The following ZDHHC17 variants were observed in gnomAD, a reference collection of about 807,000 sequenced individuals.
The protein encoded by ZDHHC17 is zDHHC palmitoyltransferase 17, also known as palmitoyltransferase ZDHHC17.
ZDHHC17 carries 40 observed loss-of-function variants against 90.3 expected under a neutral mutation model. That is an observed-to-expected ratio of 0.44 (90% CI 0.34 to 0.58). The LOEUF (loss-of-function observed/expected upper bound fraction) is 0.58, where lower values mean the gene tolerates loss of function less well. Ranked by LOEUF, ZDHHC17 falls within the 20% of genes least tolerant of loss-of-function variation. The pLI is 0.01. For synonymous variants in ZDHHC17, 235 were observed against 252.4 expected, an observed-to-expected ratio of 0.93 and a Z score of 0.65; for missense variants, 614 against 780.8, an observed-to-expected ratio of 0.79 and a Z score of 2.55.
chr12:76,830,063 A>G (rs1393776706), intron 10 of ZDHHC17, among the ~76,000 whole-genome samples: 1 of 104,768 alleles, frequency 9.5e-6, no homozygotes, highest in African/African-American at 3.5e-5. Flanking sequence ...CAGCAAGCCA[A>G]TGCCAATTTT....
intron 12 of ZDHHC17, chr12:76,843,811 AAT>A (rs1240042798): frequency 3.3e-5 from 5 of 152,122 alleles, no homozygotes; most frequent in African/African-American, 4.8e-5. Context: ...TCTGATTAAT[AAT>A]AAAGTCATTG....
At position 76,794,356 on chromosome 12, in the gene ZDHHC17, A is replaced by G. The variant is rs550780938; in HGVS notation, c.94-3078A>G. On this transcript the variant is annotated intron_variant, in intron 1 of 16. Coordinates refer to ENST00000426126, the MANE Select transcript of ZDHHC17 (RefSeq NM_015336.4). ...AATTAGAACTGTTACTCCTAGGCCT[A>G]TTGATAGTTGTGATTATCTTGATAG... Among the ~76,000 whole-genome samples the G allele has an allele frequency of 3.1e-4, 47 of 152,304 alleles. 1 individual carries two copies. In the South Asian group the frequency reaches 5.0e-3, roughly 16 times the overall value.
At chr12:76,816,776 A>G (rs1305091101) in intron 7 of ZDHHC17, among the ~76,000 whole-genome samples, 3 of 152,054 alleles carry the variant, frequency 2.0e-5, no homozygotes, top group African/African-American at 7.2e-5. Flanking sequence ...AACTTCTAAA[A>G]TAAAATAGTT....
In ZDHHC17 at chr12:76,846,578, T is replaced by C; in HGVS notation, c.1424-18T>C. On this transcript the variant is annotated intron_variant, in intron 13 of 16. Coordinates refer to ENST00000426126, the MANE Select transcript of ZDHHC17 (RefSeq NM_015336.4). ...TTTTTTCTTAGCTGAAAAACCTTGC[T>C]TCTGTGTCGTTCTTCAGGTGCAGGC... 2 of 1,605,370 alleles carry C rather than the reference T, an allele frequency of 1.2e-6. No individual in the cohort carries two copies. Among genetic ancestry groups the C allele is most frequent in the Non-Finnish European group, 1.7e-6 (2 of 1,174,524 alleles).
intron 1 of ZDHHC17, among the ~76,000 whole-genome samples, chr12:76,790,503 A>G (rs1199271517): frequency 1.3e-5 from 2 of 152,192 alleles, no homozygotes; most frequent in Admixed American, 1.3e-4. Flanking sequence ...CTCTGTCTCT[A>G]AATAAATAAA....
At chr12:76,788,305 G>C (rs1048899242) in intron 1 of ZDHHC17, among the ~76,000 whole-genome samples, 1 of 152,110 alleles carries the variant, frequency 6.6e-6, no homozygotes, top group Non-Finnish European at 1.5e-5. Context: ...CAATCACTTG[G>C]ACACACTTAT....
chr12:76,803,946 C>T (rs1952923839), intron 2 of ZDHHC17, among the ~76,000 whole-genome samples: 1 of 152,124 alleles, frequency 6.6e-6, no homozygotes, highest in Non-Finnish European at 1.5e-5. Context: ...CTGGAAAACC[C>T]AGCTTGCACT....
At chr12:76,845,624 A>G in intron 12 of ZDHHC17, 85 bp from the exon 13 acceptor site, 2 of 518,986 alleles carry the variant, frequency 3.9e-6, no homozygotes, top group East Asian at 3.5e-5. Flanking sequence ...TTATTTTTTT[A>G]TAATTATATT....
Position 76,804,559 on chromosome 12 carries a change from A to G in ZDHHC17, c.198-758A>G, listed in dbSNP as rs531620684. On this transcript the variant is annotated intron_variant, in intron 2 of 16. Transcript: ENST00000426126. The stretch of plus-strand genomic sequence containing the variant: ...ACATGGCTTATGCACCTAGTGGGTC[A>G]CAATAAGTGAACAGAATGTAGAGGA... 5.9e-5 allele frequency among the ~76,000 whole-genome samples: 9 copies of G among 152,352 alleles called. No individual in the cohort carries two copies. The South Asian group carries it at 1.4e-3, about 25-fold the overall frequency.
At chr12:76,810,804 T>G (rs545335085) in intron 5 of ZDHHC17, among the ~76,000 whole-genome samples, 9 of 152,322 alleles carry the variant, frequency 5.9e-5, no homozygotes, top group Admixed American at 1.3e-4. Flanking sequence ...CACAATTTTG[T>G]GGGCTTGGCT....
At chr12:76,837,556 A>G (rs1592496276) in intron 10 of ZDHHC17, among the ~76,000 whole-genome samples, 2 of 152,284 alleles carry the variant, frequency 1.3e-5, no homozygotes, top group South Asian at 2.1e-4. Flanking sequence ...AACAACCAGT[A>G]TGTTTCAGAG....
chr12:76,845,706 C>T lies in ZDHHC17; in HGVS notation c.1330-3C>T. The stretch of plus-strand genomic sequence containing the variant: ...CATAATCCTTTAACATGCCTATTAA[C>T]AGATACGAAAACCGGTGAGGTCCAA... On this transcript the variant is annotated splice_polypyrimidine_tract_variant and splice_region_variant and intron_variant, in intron 12 of 16. Transcript: ENST00000426126. 6.3e-7 allele frequency: 1 copy of T among 1,584,134 alleles called. No individual in the cohort carries two copies. The highest frequency in any genetic ancestry group is 1.1e-5 in the South Asian group (1 of 88,960).
chr12:76,782,244 C>T (rs962324999), intron 1 of ZDHHC17, among the ~76,000 whole-genome samples: 1 of 152,122 alleles, frequency 6.6e-6, no homozygotes, highest in Non-Finnish European at 1.5e-5. Flanking sequence ...GAAGATGGTC[C>T]TTTAGCTGGA....
chr12:76,810,459 G>C (rs1953006306), intron 5 of ZDHHC17, among the ~76,000 whole-genome samples: 2 of 152,078 alleles, frequency 1.3e-5, no homozygotes, highest in African/African-American at 4.8e-5. Flanking sequence ...GGTTATATTT[G>C]AACATTAATT....
intron 1 of ZDHHC17, among the ~76,000 whole-genome samples, chr12:76,794,528 T>C (rs1952796605): frequency 6.6e-6 from 1 of 152,204 alleles, no homozygotes; most frequent in Non-Finnish European, 1.5e-5. Flanking sequence ...ACCTTTTCTT[T>C]AGTGAGTATA....
intron 1 of ZDHHC17, among the ~76,000 whole-genome samples, chr12:76,771,249 G>A (rs1258797867): frequency 6.6e-6 from 1 of 152,116 alleles, no homozygotes; most frequent in Non-Finnish European, 1.5e-5. Flanking sequence ...GGAGCCACAG[G>A]CAGCTAATTT....
At chr12:76,834,908 G>A (rs1489864041) in intron 10 of ZDHHC17, among the ~76,000 whole-genome samples, 2 of 152,062 alleles carry the variant, frequency 1.3e-5, no homozygotes, top group Non-Finnish European at 2.9e-5. Flanking sequence ...TCTAATTACT[G>A]TAGTTTTGTT....
intron 8 of ZDHHC17, among the ~76,000 whole-genome samples, chr12:76,825,072 G>T (rs557250448): frequency 6.6e-6 from 1 of 152,040 alleles, no homozygotes; most frequent in Non-Finnish European, 1.5e-5. Flanking sequence ...TAGGAGGGAA[G>T]TTGGCTATAA....
intron 5 of ZDHHC17, among the ~76,000 whole-genome samples, chr12:76,810,398 G>A (rs1376504314): frequency 6.6e-6 from 1 of 151,996 alleles, no homozygotes; most frequent in East Asian, 1.9e-4. Context: ...TGTAATAAAC[G>A]TATTTTGTTA....
Sources: gnomAD v4.1 joint callset for allele counts (sites outside exome capture counted in the v4.1 genomes callset) on GRCh38, gnomAD v4.1.1 for gene constraint, MANE v1.5 for transcripts, NCBI Gene and HGNC (gene_info 2026-07-23, HGNC 2026-07-21) for gene names.